The following AOC3 variants were observed in gnomAD, a reference collection of about 807,000 sequenced individuals.
AOC3 encodes the protein amine oxidase copper containing 3, also known as amine oxidase [copper-containing] 3.
In AOC3, 47 loss-of-function variants were observed where a neutral mutation model predicts 55.4. The observed-to-expected ratio is 0.85, with a 90% CI of 0.67 to 1.08. AOC3 has a LOEUF of 1.08. AOC3 is among the 50% of genes least tolerant of loss of function. The pLI, the probability that AOC3 is intolerant of heterozygous loss-of-function variation, is 0.00. For missense variants in AOC3, 853 were observed against 993.1 expected (o/e 0.86, Z 1.90); for synonymous variants, 386 against 410.7 (o/e 0.94, Z 0.73).
Position 42,852,515 on chromosome 17 carries a change from T to C in AOC3, c.1172T>C (p.Met391Thr), listed in dbSNP as rs765086750. The C allele has an allele frequency of 6.2e-7, 1 of 1,614,246 alleles. No individual in the cohort carries two copies. The highest frequency in any genetic ancestry group is 8.5e-7 in the Non-Finnish European group (1 of 1,180,042). The change falls in exon 1 of 4, where the codon ATG (methionine) becomes ACG (threonine). Residue 391 changes from methionine to threonine, a missense_variant. Met to Thr is a moderately conservative substitution (Grantham distance 81, BLOSUM62 -1). Coordinates refer to ENST00000308423, the MANE Select transcript of AOC3 (RefSeq NM_003734.4). ...CGCTATGTGGATGGAGGCTTTGGCA[T>C]GGGCAAGTACACCACGCCCCTGACC... Reference protein sequence around the residue: ...TTRYVDGGFGMGKYTTPLTRG... With the variant: ...TTRYVDGGFGTGKYTTPLTRG...
chr17:42,854,484 T>C lies in AOC3; in HGVS notation c.1637T>C (p.Phe546Ser). ...TGGGTCTGGGCCGAGGATATGGTCTTTGTCCCCATGGCTGTGCCCTGGAGC... is the reference window on the plus strand; with the variant it reads ...TGGGTCTGGGCCGAGGATATGGTCTCTGTCCCCATGGCTGTGCCCTGGAGC... ...ENWVWAEDMV[F>S]VPMAVPWSPE... Residue 546 changes from phenylalanine (F) to serine (S), a missense_variant, in exon 2 of 4, where the codon TTT becomes TCT. Phe to Ser is a radical substitution (Grantham distance 155). Coordinates refer to ENST00000308423, the MANE Select transcript of AOC3 (RefSeq NM_003734.4). 6.3e-7 allele frequency: 1 copy of C among 1,585,546 alleles called. No homozygotes were observed. The highest frequency in any genetic ancestry group is 2.3e-5 in the East Asian group (1 of 43,566).
At position 42,851,713 on chromosome 17, in the gene AOC3, G is replaced by A. The variant is rs891774479; in HGVS notation, c.370G>A (p.Ala124Thr). 3.7e-6 allele frequency: 6 copies of A among 1,612,054 alleles called. No homozygotes were observed. The highest frequency in any genetic ancestry group is 5.1e-6 in the Non-Finnish European group (6 of 1,179,590). Residue 124 changes from alanine to threonine, a missense_variant, in exon 1 of 4, where the codon GCA becomes ACA. Transcript: ENST00000308423. Reference protein sequence around the residue: ...DRGSPPPAREALAIVFFGRQP... With the variant: ...DRGSPPPARETLAIVFFGRQP... ...GGGGAGCCCCCCACCTGCCCGGGAG[G>A]CACTGGCCATCGTCTTCTTTGGCAG...
chr17:42,852,942 A>T lies in AOC3; in HGVS notation c.1599A>T (p.Ala533=), dbSNP rs2055697226. The T allele has an allele frequency of 6.3e-7, 1 of 1,598,030 alleles. No homozygotes were observed. Among genetic ancestry groups the T allele is most frequent in the African/African-American group, 1.3e-5 (1 of 74,684 alleles). ...SAHFKVDLDV[A]GLENWVWAED... is the part of the protein sequence containing the mutation. ...ACTTCAAGGTGGATCTGGATGTAGC[A>T]GGTAAGACATTTTGGTGGGGAGAAG... The change falls in exon 1 of 4, where the codon GCA becomes GCT. Residue 533 remains alanine, a splice_region_variant and synonymous_variant. Coordinates refer to ENST00000308423, the MANE Select transcript of AOC3 (RefSeq NM_003734.4).
In AOC3 at chr17:42,852,508, T is replaced by C; in HGVS notation, c.1165T>C (p.Phe389Leu). The C allele has an allele frequency of 3.1e-6, 5 of 1,614,238 alleles. No individual in the cohort carries two copies. Among genetic ancestry groups the C allele is most frequent in the Non-Finnish European group, 4.2e-6 (5 of 1,180,044 alleles). ...AMTTRYVDGGFGMGKYTTPLT... is the reference protein window; with the variant it reads ...AMTTRYVDGGLGMGKYTTPLT... ...GACGACCCGCTATGTGGATGGAGGCTTTGGCATGGGCAAGTACACCACGCC... is the reference window on the plus strand; with the variant it reads ...GACGACCCGCTATGTGGATGGAGGCCTTGGCATGGGCAAGTACACCACGCC... Residue 389 changes from phenylalanine (F) to leucine (L), a missense_variant, in exon 1 of 4, where the codon TTT becomes CTT. Phe to Leu is a conservative substitution (Grantham distance 22). Coordinates refer to ENST00000308423, the MANE Select transcript of AOC3 (RefSeq NM_003734.4).
intron 1 of AOC3, chr17:42,854,035 C>T (rs187886194): frequency 2.3e-4 from 38 of 161,816 alleles, no homozygotes; most frequent in Admixed American, 8.4e-4. Flanking sequence ...AAAAGTTGCC[C>T]GGAAGGGCCC....
In AOC3 at chr17:42,852,834, G is replaced by C. The variant is rs774977134; in HGVS notation, c.1491G>C (p.Ser497=). 3 of 1,614,006 alleles carry C rather than the reference G, an allele frequency of 1.9e-6. No homozygotes were observed. Among genetic ancestry groups the C allele is most frequent in the Non-Finnish European group, 2.5e-6 (3 of 1,179,916 alleles). ...TCTATGCCACGGGCTACATCAGCTC[G>C]GCATTCCTCTTTGGTGCTACTGGGA... ...IRFYATGYIS[S]AFLFGATGKY... The change falls in exon 1 of 4, where the codon TCG becomes TCC. Residue 497 remains serine, a synonymous_variant. Transcript: ENST00000308423.
Sources: gnomAD v4.1 joint callset for allele counts on GRCh38, gnomAD v4.1.1 for gene constraint, MANE v1.5 for transcripts, NCBI Gene and HGNC (gene_info 2026-07-23, HGNC 2026-07-21) for gene names.